RSU1: variants seen among roughly 807,000 people sequenced by gnomAD.
RSU1 encodes the protein rsu-1.
RSU1 carries 26 observed loss-of-function variants against 31.1 expected under a neutral mutation model. The observed-to-expected ratio is 0.84, with a 90% CI of 0.61 to 1.16. The LOEUF is 1.16. Ranked by LOEUF, RSU1 falls within the 50% of genes most tolerant of loss-of-function variation. RSU1 has a pLI of 0.00. For missense variants in RSU1, 320 were observed against 339.1 expected (o/e 0.94, Z 0.44); for synonymous variants, 164 against 136.3 (o/e 1.20, Z -1.41).
intron 7 of RSU1, among the ~76,000 whole-genome samples, chr10:16,720,447 T>C (rs988394219): frequency 6.6e-6 from 1 of 152,328 alleles, no homozygotes; most frequent in East Asian, 1.9e-4. Flanking sequence ...ATTACTTAGA[T>C]AATCTCTGAA....
At chr10:16,693,740 T>C (rs1224333956) in intron 8 of RSU1, among the ~76,000 whole-genome samples, 1 of 152,076 alleles carries the variant, frequency 6.6e-6, no homozygotes, top group Non-Finnish European at 1.5e-5. Flanking sequence ...TGTGCTCCTG[T>C]AGTCCCAGCT....
At position 16,646,050 on chromosome 10, in the gene RSU1, GTA is replaced by G. The variant is rs1180422747; in HGVS notation, c.731+48971_731+48972del. On this transcript the variant is annotated intron_variant, in intron 8 of 8. Coordinates refer to ENST00000345264, the MANE Select transcript of RSU1 (RefSeq NM_012425.4). ...TATATATGTGTATATACATATATGT[GTA>G]TATATATATACACACACACACACAC... is the stretch of plus-strand genomic sequence containing the variant. 3.7e-3 allele frequency among the ~76,000 whole-genome samples: 123 copies of G among 32,974 alleles called. 26 individuals carry two copies. Among genetic ancestry groups the G allele is most frequent in the East Asian group, 9.6e-3 (9 of 938 alleles). The allele number at this position is 32,974 out of a possible 152,430, so 21.6% of individuals were successfully genotyped here.
At chr10:16,636,827 A>C (rs971821393) in intron 8 of RSU1, among the ~76,000 whole-genome samples, 3 of 152,098 alleles carry the variant, frequency 2.0e-5, no homozygotes, top group Admixed American at 2.0e-4. Flanking sequence ...TTGATCCGCT[A>C]TAACTGCGCA....
At chr10:16,807,068 A>G (rs1391330038) in intron 2 of RSU1, among the ~76,000 whole-genome samples, 1 of 152,222 alleles carries the variant, frequency 6.6e-6, no homozygotes, top group Non-Finnish European at 1.5e-5. Context: ...TACAGCAGGC[A>G]TGAGCCACTG....
At chr10:16,650,222 T>C (rs577181084) in intron 8 of RSU1, among the ~76,000 whole-genome samples, 15 of 152,300 alleles carry the variant, frequency 9.8e-5, no homozygotes, top group African/African-American at 3.4e-4. Flanking sequence ...AAATTCTGTA[T>C]ATTTGCAGAC....
intron 8 of RSU1, among the ~76,000 whole-genome samples, chr10:16,627,399 A>C (rs1183009170): frequency 6.6e-6 from 1 of 152,222 alleles, no homozygotes; most frequent in Non-Finnish European, 1.5e-5. Context: ...CATGACAAAA[A>C]TGTTTGTAAT....
At chr10:16,782,872 A>G (rs1394224797) in intron 2 of RSU1, among the ~76,000 whole-genome samples, 1 of 148,272 alleles carries the variant, frequency 6.7e-6, no homozygotes, top group Non-Finnish European at 1.5e-5. Context: ...TTACACACAT[A>G]TGCATATACA....
chr10:16,705,488 T>A (rs778978998), intron 7 of RSU1, among the ~76,000 whole-genome samples: 4 of 152,158 alleles, frequency 2.6e-5, no homozygotes, highest in Non-Finnish European at 5.9e-5. Context: ...TTTTTCCCCA[T>A]GCATTTTATT....
intron 2 of RSU1, among the ~76,000 whole-genome samples, chr10:16,782,515 C>G (rs1208893324): frequency 6.6e-6 from 1 of 152,196 alleles, no homozygotes; most frequent in Non-Finnish European, 1.5e-5. Flanking sequence ...TTCATCCAAA[C>G]AGAAACTTTA....
chr10:16,801,046 G>A (rs1838144982), intron 2 of RSU1, among the ~76,000 whole-genome samples: 1 of 150,460 alleles, frequency 6.6e-6, no homozygotes, highest in Non-Finnish European at 1.5e-5. Flanking sequence ...CACATTAGAT[G>A]TTAATAACCA....
intron 7 of RSU1, among the ~76,000 whole-genome samples, chr10:16,747,693 T>G (rs1836883518): frequency 6.6e-6 from 1 of 152,224 alleles, no homozygotes; most frequent in African/African-American, 2.4e-5. Context: ...CCTTGCCCTC[T>G]GCCCTCCAGC....
chr10:16,615,062 G>T (rs944619849), intron 8 of RSU1, among the ~76,000 whole-genome samples: 5 of 152,078 alleles, frequency 3.3e-5, no homozygotes, highest in Non-Finnish European at 7.4e-5. Flanking sequence ...TAGGCTAAAT[G>T]CCCCAGTTAA....
At chr10:16,728,743 GGGA>G (rs1836446020) in intron 7 of RSU1, among the ~76,000 whole-genome samples, 1 of 152,216 alleles carries the variant, frequency 6.6e-6, no homozygotes, top group South Asian at 2.1e-4. Flanking sequence ...TAAGAGGGAT[GGGA>G]GAAGAATCAG....
intron 8 of RSU1, among the ~76,000 whole-genome samples, chr10:16,693,489 AAAG>A (rs1835606968): frequency 6.6e-6 from 1 of 152,112 alleles, no homozygotes; most frequent in Admixed American, 6.6e-5. Flanking sequence ...AAAAAAAAAA[AAAG>A]AAAAGAAACT....
At chr10:16,688,453 C>CA (rs1272489096) in intron 8 of RSU1, among the ~76,000 whole-genome samples, 2 of 151,872 alleles carry the variant, frequency 1.3e-5, no homozygotes, top group African/African-American at 4.8e-5. Context: ...AAAAAAAATA[C>CA]AAAAAATCAG....
At chr10:16,773,436 G>A (rs969843613) in intron 3 of RSU1, among the ~76,000 whole-genome samples, 3 of 152,172 alleles carry the variant, frequency 2.0e-5, no homozygotes, top group South Asian at 2.1e-4. Flanking sequence ...GAATTCTCCC[G>A]TTCTTCGACT....
chr10:16,748,492 A>C (rs537840356), intron 7 of RSU1: 3 of 152,340 alleles, frequency 2.0e-5, no homozygotes, highest in Admixed American at 2.0e-4. Flanking sequence ...GTCCATAAGC[A>C]AAGTCACTTT....
chr10:16,634,386 T>G (rs1564293151), intron 8 of RSU1, among the ~76,000 whole-genome samples: 2 of 152,180 alleles, frequency 1.3e-5, no homozygotes, highest in South Asian at 2.1e-4. Context: ...ATGCGCAACC[T>G]TTTTTTCCTC....
chr10:16,671,209 G>C (rs1209434725), intron 8 of RSU1, among the ~76,000 whole-genome samples: 2 of 152,110 alleles, frequency 1.3e-5, no homozygotes, highest in African/African-American at 4.8e-5. Flanking sequence ...TGGTGGGCTG[G>C]ATTAAGAAAA....
Sources: allele counts gnomAD v4.1 joint callset (sites outside exome capture counted in the v4.1 genomes callset), GRCh38; gene constraint gnomAD v4.1.1; transcripts MANE v1.5; gene names NCBI Gene and HGNC (gene_info 2026-07-23, HGNC 2026-07-21).